Variants in TTN observed in about 807,000 individuals in gnomAD.
TTN encodes titin.
TTN carries 1,525 observed loss-of-function variants against 3,223.0 expected under a neutral mutation model. The ratio of observed to expected loss-of-function variants is 0.47; its 90% confidence interval spans 0.45 to 0.49. TTN has a LOEUF of 0.49. TTN is among the 20% of genes least tolerant of loss of function. TTN has a pLI of 0.00. For missense variants in TTN, 40,786 were observed against 43,424.0 expected (o/e 0.94, Z 5.40); for synonymous variants, 14,094 against 15,161.0 (o/e 0.93, Z 5.17).
intron 223 of TTN, 88 bp from the exon 224 acceptor site, chr2:178,637,507 A>T (rs2060653336): frequency 2.9e-6 from 2 of 687,090 alleles, no homozygotes; most frequent in Non-Finnish European, 4.3e-6. Flanking sequence ...GTCATGCTCC[A>T]TTATAAATAT....
rs533088470 is a variant in TTN at position 178,585,277 on chromosome 2, A to G, written c.64467T>C (p.His21489=). 31 of 1,612,690 alleles carry G rather than the reference A, an allele frequency of 1.9e-5. No homozygotes were observed. The South Asian group carries it at 3.1e-4, about 16-fold the overall frequency. ...KAGKKLRIEA[H]VYGKPHPTCK... is the part of the protein sequence containing the mutation. ...AGGTGGGATGAGGCTTTCCATACACATGGGCTTCAATTCGGAGTTTTTTCC... is the reference window on the plus strand; with the variant it reads ...AGGTGGGATGAGGCTTTCCATACACGTGGGCTTCAATTCGGAGTTTTTTCC... The change falls in exon 309 of 363, where the codon CAT becomes CAC. Residue 21489 remains histidine, a synonymous_variant. Transcript: ENST00000589042.
In TTN at chr2:178,534,742, A is replaced by G. The variant is rs760516584; in HGVS notation, c.101873T>C (p.Ile33958Thr). ...QTRRSSTIKI[I>T]EFGQARQLKP... ...CAGCTGACGGGCTTGACCAAATTCT[A>G]TGATTTTAATGGTAGAGCTTCTTCT... Residue 33958 changes from isoleucine (I) to threonine (T), a missense_variant, in exon 358 of 363, where the codon ATA becomes ACA. Ile to Thr is a moderately conservative substitution (Grantham distance 89, BLOSUM62 -1). Coordinates refer to ENST00000589042, the MANE Select transcript of TTN (RefSeq NM_001267550.2). 20 of 1,613,718 alleles carry G rather than the reference A, an allele frequency of 1.2e-5. No individual in the cohort carries two copies. Among genetic ancestry groups the G allele is most frequent in the African/African-American group, 4.0e-5 (3 of 74,906 alleles).
At chr2:178,775,323 ACAGGTCC>A in intron 28 of TTN, 26 bp downstream of exon 28, 1 of 1,613,190 alleles carries the variant, frequency 6.2e-7, no homozygotes, top group Non-Finnish European at 8.5e-7. Context: ...GAATACAAAG[ACAGGTCC>A]ATCAAAGGAA....
In TTN at chr2:178,630,817, A is replaced by G. The variant is rs188047410; in HGVS notation, c.44141T>C (p.Leu14714Pro). 2 of 1,612,816 alleles carry G rather than the reference A, an allele frequency of 1.2e-6. No individual in the cohort carries two copies. The highest frequency in any genetic ancestry group is 1.3e-5 in the African/African-American group (1 of 74,966). The change falls in exon 238 of 363, where the codon CTA (leucine) becomes CCA (proline). Residue 14714 changes from leucine to proline, a missense_variant. Transcript: ENST00000589042. The stretch of plus-strand genomic sequence containing the variant: ...AAATAGCCTTACAGGTGTTTGGAGT[A>G]GGGCCTCTCCCTTGAGTTTCCAGTT... ...HANWKLKGEA[L>P]LQTPDCEIKE...
intron 242 of TTN, among the ~76,000 whole-genome samples, chr2:178,624,009 C>T (rs1017323): frequency 0.083 from 12,589 of 151,876 alleles, 785 homozygotes; most frequent in Non-Finnish European, 0.12. Context: ...CTAGTATGCT[C>T]CTATTCAGAC....
rs768427369 is a variant in TTN at position 178,799,877 on chromosome 2, G to T, written c.617C>A (p.Thr206Lys). 3.7e-5 allele frequency: 60 copies of T among 1,614,010 alleles called. No individual in the cohort carries two copies. The highest frequency in any genetic ancestry group is 4.7e-5 in the Non-Finnish European group (56 of 1,180,010). Reference sequence around the variant, plus strand: ...TGAGATCTGAGCAGTCGAAACAATTGTCTTTGTCTTTTTAGCAGGTACTTC... The same window carrying T: ...TGAGATCTGAGCAGTCGAAACAATTTTCTTTGTCTTTTTAGCAGGTACTTC... ...EEEVPAKKTKTIVSTAQISES... is the reference protein window; with the variant it reads ...EEEVPAKKTKKIVSTAQISES... Residue 206 changes from threonine (T) to lysine (K), a missense_variant, in exon 5 of 363, where the codon ACA becomes AAA. By Grantham distance (78) the Thr-to-Lys change is moderately conservative. Transcript: ENST00000589042.
In TTN at chr2:178,561,710, C is replaced by A. The variant is rs748707866; in HGVS notation, c.84422G>T (p.Ser28141Ile). 1 of 1,610,158 alleles carries A rather than the reference C, an allele frequency of 6.2e-7. No homozygotes were observed. The highest frequency in any genetic ancestry group is 1.3e-5 in the African/African-American group (1 of 74,776). Reference protein sequence around the residue: ...AENRYGKSSYSESSAVVAEYP... With the variant: ...AENRYGKSSYIESSAVVAEYP... ...CTCTGCAACAACAGCTGAAGATTCA[C>A]TGTAGGAGCTCTTTCCATAGCGGTT... is the stretch of plus-strand genomic sequence containing the variant. Residue 28141 changes from serine to isoleucine, a missense_variant, in exon 326 of 363, where the codon AGT becomes ATT. Physicochemically the swap from Ser to Ile is moderately radical, Grantham distance 142. Coordinates refer to ENST00000589042, the MANE Select transcript of TTN (RefSeq NM_001267550.2).
Position 178,680,318 on chromosome 2 carries a change from G to A in TTN, c.33354C>T (p.Pro11118=). ...TEPAAKVPMK[P]KRVVAEEKVP... ...CTTTTTCTTCTGCGACAACCCTCTTGGGCTTCATGGGCACTTGAAATATGA... is the reference window on the plus strand; with the variant it reads ...CTTTTTCTTCTGCGACAACCCTCTTAGGCTTCATGGGCACTTGAAATATGA... Residue 11118 remains proline, a synonymous_variant, in exon 139 of 363, where the codon CCC becomes CCT. Coordinates refer to ENST00000589042, the MANE Select transcript of TTN (RefSeq NM_001267550.2). 6.2e-7 allele frequency: 1 copy of A among 1,608,618 alleles called. No homozygotes were observed. Among genetic ancestry groups the A allele is most frequent in the Non-Finnish European group, 8.5e-7 (1 of 1,178,398 alleles).
intron 16 of TTN, 84 bp from the exon 17 acceptor site, chr2:178,783,869 A>ATAATAATTATTATATAATTTTATAT: frequency 9.9e-7 from 1 of 1,012,950 alleles, no homozygotes; most frequent in Non-Finnish European, 1.3e-6. Flanking sequence ...ACATTATATA[A>ATAATAATTATTATATAATTTTATAT]TTATAAAAAT....
In TTN at chr2:178,784,275, TTGG is replaced by T. The variant is rs1207293214; in HGVS notation, c.2567_2569del (p.Thr856del). 5 of 1,614,104 alleles carry T rather than the reference TTGG, an allele frequency of 3.1e-6. No individual in the cohort carries two copies. Among genetic ancestry groups the T allele is most frequent in the Non-Finnish European group, 4.2e-6 (5 of 1,179,996 alleles). On this transcript the variant is annotated inframe_deletion, in exon 16 of 363. Coordinates refer to ENST00000589042, the MANE Select transcript of TTN (RefSeq NM_001267550.2). The stretch of plus-strand genomic sequence containing the variant: ...CTTCACAGTAGGAGCCTTCACCGAT[TTGG>T]TGATCTTCTGAGCAGAAGATGTGGC...
At position 178,675,089 on chromosome 2, in the gene TTN, TC is replaced by T; in HGVS notation, c.34561del (p.Glu11521LysfsTer18). ...TTTAGGGAGAATGATTCGTTTTTCT[TC>T]CACCTTCTTAGGCACCTCAGGAACT... ...AKVPEVPKKV[E>X]EKRIILPKEE... On this transcript the variant is annotated frameshift_variant, in exon 150 of 363. Coordinates refer to ENST00000589042, the MANE Select transcript of TTN (RefSeq NM_001267550.2). LOFTEE classifies it high-confidence loss of function. 1 of 1,562,458 alleles carries T rather than the reference TC, an allele frequency of 6.4e-7. No homozygotes were observed. Among genetic ancestry groups the T allele is most frequent in the East Asian group, 2.5e-5 (1 of 40,696 alleles).
chr2:178,571,988 G>A lies in TTN; in HGVS notation c.74144C>T (p.Pro24715Leu), dbSNP rs55713856. 29 of 1,613,180 alleles carry A rather than the reference G, an allele frequency of 1.8e-5. No individual in the cohort carries two copies. The East Asian group carries it at 5.4e-4, about 30-fold the overall frequency. The change falls in exon 326 of 363, where the codon CCA becomes CTA. Residue 24715 changes from proline (P) to leucine (L), a missense_variant. Pro to Leu is a moderately conservative substitution (Grantham distance 98). Transcript: ENST00000589042. ...VPVIAKDLVI[P>L]PAFKLLFNTF... is the part of the protein sequence containing the mutation. ...ATTGAACAGGAGTTTGAAGGCTGGT[G>A]GAATGACAAGATCTTTGGCGATCAC...
At chr2:178,752,319 ATAT>A (rs2085780410) in intron 47 of TTN, among the ~76,000 whole-genome samples, 1 of 152,096 alleles carries the variant, frequency 6.6e-6, no homozygotes, top group African/African-American at 2.4e-5. Flanking sequence ...GTTCCTGTGC[ATAT>A]TTGTTTTGAG....
rs1690568887 is a variant in TTN at position 178,534,485 on chromosome 2, T to G, written c.102130A>C (p.Ile34044Leu). 6.2e-6 allele frequency: 10 copies of G among 1,613,782 alleles called. No individual in the cohort carries two copies. Among genetic ancestry groups the G allele is most frequent in the Non-Finnish European group, 8.5e-6 (10 of 1,179,818 alleles). Residue 34044 changes from isoleucine to leucine, a missense_variant, in exon 358 of 363, where the codon ATT (isoleucine) becomes CTT (leucine). Ile to Leu is a conservative substitution (Grantham distance 5). Coordinates refer to ENST00000589042, the MANE Select transcript of TTN (RefSeq NM_001267550.2). Reference sequence around the variant, plus strand: ...CGGTCAACAAAATCCATGGCTTCAATGCTAATCTCTTTGAATGCTTCCTCA... The same window carrying G: ...CGGTCAACAAAATCCATGGCTTCAAGGCTAATCTCTTTGAATGCTTCCTCA... ...FDEEAFKEISIEAMDFVDRLL... is the reference protein window; with the variant it reads ...FDEEAFKEISLEAMDFVDRLL...
Position 178,574,487 on chromosome 2 carries a change from G to C in TTN, c.71645C>G (p.Pro23882Arg), listed in dbSNP as rs1709373981. Residue 23882 changes from proline (P) to arginine (R), a missense_variant, in exon 326 of 363, where the codon CCA becomes CGA. Transcript: ENST00000589042. ...TCCACTTGATTTGAAAATGTTGCCT[G>C]GTACTAAAGCTTTGCTCACAGTCTG... Reference protein sequence around the residue: ...LWQTVSKALVPGNIFKSSGLT... With the variant: ...LWQTVSKALVRGNIFKSSGLT... 6.2e-7 allele frequency: 1 copy of C among 1,613,500 alleles called. No individual in the cohort carries two copies. The highest frequency in any genetic ancestry group is 8.5e-7 in the Non-Finnish European group (1 of 1,179,638).
chr2:178,559,353 C>T lies in TTN; in HGVS notation c.86779G>A (p.Val28927Ile). ...FRVSGENEFG[V>I]GIPAETKEGV... The stretch of plus-strand genomic sequence containing the variant: ...TCCTTTGTTTCAGCTGGTATACCAA[C>T]ACCAAACTCATTTTCTCCAGAGACT... The change falls in exon 326 of 363, where the codon GTT becomes ATT. Residue 28927 changes from valine (V) to isoleucine (I), a missense_variant. Val to Ile is a conservative substitution (Grantham distance 29). Transcript: ENST00000589042. 1.9e-6 allele frequency: 3 copies of T among 1,612,152 alleles called. No individual in the cohort carries two copies. Among genetic ancestry groups the T allele is most frequent in the Non-Finnish European group, 2.5e-6 (3 of 1,178,760 alleles).
rs1008171003 is a variant in TTN, at chr2:178,607,551, G to C, written c.53137C>G (p.Leu17713Val). 1.2e-6 allele frequency: 2 copies of C among 1,613,044 alleles called. No homozygotes were observed. Among genetic ancestry groups the C allele is most frequent in the Admixed American group, 1.7e-5 (1 of 59,956 alleles). ...TCTATTACAACACGGTCTTTATCCA[G>C]CTCCCCTTCTTCTTTGGTCCATACT... ...TKVWTKEEGE[L>V]DKDRVVIDNV... Residue 17713 changes from leucine to valine, a missense_variant, in exon 277 of 363, where the codon CTG becomes GTG. By Grantham distance (32) the Leu-to-Val change is conservative. Transcript: ENST00000589042.
At chr2:178,613,647 A>T (rs1455974123) in intron 263 of TTN, 104 bp downstream of exon 263, 18 of 1,231,382 alleles carry the variant, frequency 1.5e-5, no homozygotes, top group Middle Eastern at 3.0e-4. Flanking sequence ...GTAGTTTAAA[A>T]TTTTTTTAGT....
rs1223761195 is a variant in TTN, at chr2:178,576,579, A to G, written c.69665T>C (p.Ile23222Thr). Residue 23222 changes from isoleucine (I) to threonine (T), a missense_variant, in exon 325 of 363, where the codon ATT becomes ACT. Transcript: ENST00000589042. This position sits in a 1 kb window ranked among gnomAD's most constrained non-coding sequence, Gnocchi z 4.3. ...FRVSAENRAG[I>T]GPPSEASDSV... ...ATCTGAAGCCTCACTGGGTGGACCA[A>G]TTCCTGCTCTGTTTTCTGCACTGAC... is the stretch of plus-strand genomic sequence containing the variant. 6.2e-7 allele frequency: 1 copy of G among 1,613,476 alleles called. No individual in the cohort carries two copies. The highest frequency in any genetic ancestry group is 2.2e-5 in the East Asian group (1 of 44,826).
Sources: gnomAD v4.1 joint callset for allele counts (sites outside exome capture counted in the v4.1 genomes callset) on GRCh38, gnomAD v4.1.1 for gene constraint, Gnocchi (gnomAD v3.1) non-coding constraint, MANE v1.5 for transcripts, NCBI Gene and HGNC (gene_info 2026-07-23, HGNC 2026-07-21) for gene names.